R3HDM1: variants seen among roughly 807,000 people sequenced by gnomAD.
R3HDM1 encodes the protein R3H domain containing 1.
In R3HDM1, 46 loss-of-function variants were observed where a neutral mutation model predicts 141.1. That is an observed-to-expected ratio of 0.33 (90% CI 0.26 to 0.42). The LOEUF (loss-of-function observed/expected upper bound fraction) is 0.42. Ranked by LOEUF, R3HDM1 falls within the 10% of genes least tolerant of loss-of-function variation. R3HDM1 has a pLI of 1.00. For synonymous variants in R3HDM1, 435 were observed against 472.9 expected (o/e 0.92, Z 1.04); for missense variants, 1,184 against 1,368.3 (o/e 0.87, Z 2.12).
intron 3 of R3HDM1, among the ~76,000 whole-genome samples, chr2:135,610,993 A>G (rs6732251): frequency 0.26 from 38,861 of 151,672 alleles, 8,789 homozygotes; most frequent in African/African-American, 0.6. Flanking sequence ...ACCTGTAGTC[A>G]CAGTTGTTTG....
chr2:135,557,571 A>G (rs1701020742), intron 1 of R3HDM1, among the ~76,000 whole-genome samples: 1 of 152,242 alleles, frequency 6.6e-6, no homozygotes. Context: ...TCATGTTGCC[A>G]GGAAAAATTG....
intron 1 of R3HDM1, chr2:135,590,574 T>G: frequency 1.0e-6 from 1 of 985,402 alleles, no homozygotes; most frequent in Non-Finnish European, 1.2e-6. Flanking sequence ...ATTGAATTTT[T>G]GTGTTTTGTG....
chr2:135,549,573 AAAAAAAAAC>A (rs1407697996), intron 1 of R3HDM1, among the ~76,000 whole-genome samples: 1 of 151,338 alleles, frequency 6.6e-6, no homozygotes, highest in African/African-American at 2.4e-5. Context: ...AAAAAAAAAA[AAAAAAAAAC>A]AAAAACAAAA....
At chr2:135,604,473 A>C (rs1475398077) in intron 2 of R3HDM1, among the ~76,000 whole-genome samples, 2 of 152,120 alleles carry the variant, frequency 1.3e-5, no homozygotes, top group Non-Finnish European at 1.5e-5. Flanking sequence ...AAACACACTT[A>C]TGTGTTAGCA....
intron 1 of R3HDM1, among the ~76,000 whole-genome samples, chr2:135,536,337 G>T (rs1192830562): frequency 6.6e-6 from 1 of 152,112 alleles, no homozygotes; most frequent in African/African-American, 2.4e-5. Context: ...GTAGAGACAG[G>T]TTCTTACTGT....
intron 1 of R3HDM1, among the ~76,000 whole-genome samples, chr2:135,563,181 C>G (rs1702104535): frequency 6.6e-6 from 1 of 152,172 alleles, no homozygotes; most frequent in African/African-American, 2.4e-5. Flanking sequence ...ACTCTGAAAT[C>G]CTTAGCATGG....
At chr2:135,699,783 A>C (rs1372298522) in intron 21 of R3HDM1, among the ~76,000 whole-genome samples, 1 of 152,218 alleles carries the variant, frequency 6.6e-6, no homozygotes, top group Non-Finnish European at 1.5e-5. Flanking sequence ...TCTATGTTCT[A>C]AGATGGTAAC....
chr2:135,615,278 T>G (rs2060919984), intron 3 of R3HDM1, among the ~76,000 whole-genome samples: 1 of 152,048 alleles, frequency 6.6e-6, no homozygotes, highest in African/African-American at 2.4e-5. Flanking sequence ...CATACTAGTC[T>G]GGATATTAAG....
intron 24 of R3HDM1, among the ~76,000 whole-genome samples, chr2:135,716,410 C>G (rs2076156779): frequency 1.3e-5 from 2 of 152,204 alleles, no homozygotes; most frequent in African/African-American, 4.8e-5. Flanking sequence ...AGTCCTCACC[C>G]TCACTAACCC....
At chr2:135,580,783 A>G (rs1213241621) in intron 1 of R3HDM1, among the ~76,000 whole-genome samples, 1 of 152,018 alleles carries the variant, frequency 6.6e-6, no homozygotes, top group African/African-American at 2.4e-5. Flanking sequence ...CTACTCTGAA[A>G]TTCACTCATT....
chr2:135,652,731 A>G (rs967952582), intron 18 of R3HDM1, among the ~76,000 whole-genome samples: 2 of 152,138 alleles, frequency 1.3e-5, no homozygotes, highest in South Asian at 2.1e-4. Flanking sequence ...TTCTTCTCGC[A>G]TGTTTGCCAG....
At chr2:135,628,259 A>G (rs2062252892) in intron 7 of R3HDM1, among the ~76,000 whole-genome samples, 3 of 152,220 alleles carry the variant, frequency 2.0e-5, no homozygotes, top group Non-Finnish European at 2.9e-5. Flanking sequence ...ATAAGCTACA[A>G]TGTGGAATAA....
intron 3 of R3HDM1, among the ~76,000 whole-genome samples, chr2:135,614,941 G>C (rs562611736): frequency 6.6e-6 from 1 of 152,168 alleles, no homozygotes; most frequent in East Asian, 1.9e-4. Flanking sequence ...GAACAAGTTA[G>C]AGAGTAGGTA....
At chr2:135,622,536 AT>A (rs2061609985) in intron 6 of R3HDM1, 117 bp from the exon 7 acceptor site, 5 of 1,350,230 alleles carry the variant, frequency 3.7e-6, no homozygotes, top group East Asian at 2.8e-5. Flanking sequence ...ACTTTGTCGA[AT>A]TTTTTTCAAT....
chr2:135,613,571 C>T (rs2060743863), intron 3 of R3HDM1, among the ~76,000 whole-genome samples: 1 of 152,194 alleles, frequency 6.6e-6, no homozygotes, highest in Non-Finnish European at 1.5e-5. Flanking sequence ...AATTCCAGCA[C>T]TTTAGGAGGC....
chr2:135,549,909 ATACAT>A, intron 1 of R3HDM1: 1 of 865,454 alleles, frequency 1.2e-6, no homozygotes, highest in Non-Finnish European at 1.4e-6. Flanking sequence ...TTAAATAAGA[ATACAT>A]TACATATGTA....
chr2:135,593,693 T>C (rs1709879501), intron 1 of R3HDM1, among the ~76,000 whole-genome samples: 2 of 152,070 alleles, frequency 1.3e-5, no homozygotes, highest in African/African-American at 4.8e-5. Flanking sequence ...GGGTACCATA[T>C]TCTCTAGAAT....
chr2:135,546,842 T>A (rs1210139216), intron 1 of R3HDM1, among the ~76,000 whole-genome samples: 1 of 152,116 alleles, frequency 6.6e-6, no homozygotes, highest in Non-Finnish European at 1.5e-5. Flanking sequence ...TGGCTAATTT[T>A]TGTATTTTTA....
intron 24 of R3HDM1, among the ~76,000 whole-genome samples, chr2:135,719,972 A>G (rs1382200217): frequency 1.3e-5 from 2 of 151,998 alleles, no homozygotes; most frequent in African/African-American, 2.4e-5. Flanking sequence ...CAGCCTCCCA[A>G]GTAGCTGGGA....
Sources: allele counts gnomAD v4.1 joint callset (sites outside exome capture counted in the v4.1 genomes callset), GRCh38; gene constraint gnomAD v4.1.1; transcripts MANE v1.5; gene names NCBI Gene and HGNC (gene_info 2026-07-23, HGNC 2026-07-21).